Variants in TAS2R46 observed in about 807,000 individuals in gnomAD.
TAS2R46 encodes the protein taste 2 receptor member 46.
For synonymous variants in TAS2R46, 123 were observed against 121.8 expected (o/e 1.01, Z -0.07); for missense variants, 361 against 347.4 (o/e 1.04, Z -0.31).
At position 11,061,418 on chromosome 12, in the gene TAS2R46, C is replaced by A; in HGVS notation, c.877G>T (p.Val293Phe). 1 of 1,614,026 alleles carries A rather than the reference C, an allele frequency of 6.2e-7. No homozygotes were observed. The highest frequency in any genetic ancestry group is 8.5e-7 in the Non-Finnish European group (1 of 1,179,914). Reference sequence around the variant, plus strand: ...ACCCAGTACCTCACATGCCACAAAACTGAAAGAAAAGTCTGCTTTAGCTTC... The same window carrying A: ...ACCCAGTACCTCACATGCCACAAAAATGAAAGAAAAGTCTGCTTTAGCTTC... ...NKKLKQTFLS[V>F]LWHVRYWVKG... is the part of the protein sequence containing the mutation. Residue 293 changes from valine (V) to phenylalanine (F), a missense_variant, in exon 1 of 1, where the codon GTT (valine) becomes TTT (phenylalanine). Transcript: ENST00000533467.
rs776395658 is a variant in TAS2R46, at chr12:11,061,839, A to G, written c.456T>C (p.Ile152=). 3.1e-6 allele frequency: 5 copies of G among 1,614,114 alleles called. No homozygotes were observed. The highest frequency in any genetic ancestry group is 3.4e-6 in the Non-Finnish European group (4 of 1,179,930). The change falls in exon 1 of 1, where the codon ATT becomes ATC. Residue 152 remains isoleucine (I), a synonymous_variant. Coordinates refer to ENST00000533467, the MANE Select transcript of TAS2R46 (RefSeq NM_176887.2). The part of the protein sequence containing the change: ...CHLFVINMNQ[I]IWTKEYEGNM... ...TTCCTTCATATTCTTTTGTCCATAT[A>G]ATCTGATTCATGTTTATCACAAAAA...
rs1336996049 is a variant in TAS2R46, at chr12:11,061,709, G to A, written c.586C>T (p.Leu196=). The change falls in exon 1 of 1, where the codon CTG becomes TTG. Residue 196 remains leucine, a synonymous_variant. Transcript: ENST00000533467. ...TTACACAGAGAACAGATTAACAGCA[G>A]AAAAGATATCAGGGTCAGAGTGAAG... ...VPFTLTLISF[L]LLICSLCKHL... is the part of the protein sequence containing the mutation. 1 of 1,614,050 alleles carries A rather than the reference G, an allele frequency of 6.2e-7. No homozygotes were observed. The highest frequency in any genetic ancestry group is 1.3e-5 in the African/African-American group (1 of 74,924).
Position 11,061,654 on chromosome 12 carries a change from T to C in TAS2R46, c.641A>G (p.Lys214Arg), listed in dbSNP as rs1335147232. The C allele has an allele frequency of 6.2e-7, 1 of 1,614,014 alleles. No individual in the cohort carries two copies. Among genetic ancestry groups the C allele is most frequent in the East Asian group, 2.2e-5 (1 of 44,890 alleles). The change falls in exon 1 of 1, where the codon AAA (lysine) becomes AGA (arginine). Residue 214 changes from lysine to arginine, a missense_variant. Transcript: ENST00000533467. ...KHLKKMQLHG[K>R]GSQDPSMKVH... ...CTTCATGCTGGGATCTTGAGATCCT[T>C]TGCCATGGAGCTGCATCTTTTTGAG...
Position 11,061,996 on chromosome 12 carries a change from G to C in TAS2R46, c.299C>G (p.Thr100Ser). 1 of 1,613,894 alleles carries C rather than the reference G, an allele frequency of 6.2e-7. No individual in the cohort carries two copies. The highest frequency in any genetic ancestry group is 8.5e-7 in the Non-Finnish European group (1 of 1,179,866). Reference protein sequence around the residue: ...VINHFSNWLATSLSIFYLLKI... With the variant: ...VINHFSNWLASSLSIFYLLKI... The stretch of plus-strand genomic sequence containing the variant: ...GAGCAAATAAAATATGCTGAGGCTA[G>C]TAGCAAGCCAGTTGCTGAAATGGTT... The change falls in exon 1 of 1, where the codon ACT (threonine) becomes AGT (serine). Residue 100 changes from threonine to serine, a missense_variant. Physicochemically the swap from Thr to Ser is moderately conservative, Grantham distance 58. Transcript: ENST00000533467.
rs575734028 is a variant in TAS2R46 at position 11,061,788 on chromosome 12, C to A, written c.507G>T (p.Arg169Ser). 244 of 1,614,128 alleles carry A rather than the reference C, an allele frequency of 1.5e-4. No homozygotes were observed. Among genetic ancestry groups the A allele is most frequent in the Non-Finnish European group, 1.6e-4 (192 of 1,179,992 alleles). ...TTGTATTTGAAAGGTACATTGCACTCCTCAGTTTGATCTTCCAAGTCATGT... is the reference window on the plus strand; with the variant it reads ...TTGTATTTGAAAGGTACATTGCACTACTCAGTTTGATCTTCCAAGTCATGT... ...EGNMTWKIKL[R>S]SAMYLSNTTV... The change falls in exon 1 of 1, where the codon AGG becomes AGT. Residue 169 changes from arginine (R) to serine (S), a missense_variant. Physicochemically the swap from Arg to Ser is moderately radical, Grantham distance 110. Transcript: ENST00000533467.
rs987056390 is a variant in TAS2R46 at position 11,062,066 on chromosome 12, T to C, written c.229A>G (p.Ser77Gly). ...TAAGCAGTAATTCTTACTTCTATAC[T>C]GTTAAAAGCTGGATTCAACTCAGTT... Reference protein sequence around the residue: ...YATELNPAFNSIEVRITAYNV... With the variant: ...YATELNPAFNGIEVRITAYNV... Residue 77 changes from serine (S) to glycine (G), a missense_variant, in exon 1 of 1, where the codon AGT (serine) becomes GGT (glycine). Coordinates refer to ENST00000533467, the MANE Select transcript of TAS2R46 (RefSeq NM_176887.2). 6.2e-7 allele frequency: 1 copy of C among 1,613,752 alleles called. No homozygotes were observed. Among genetic ancestry groups the C allele is most frequent in the Admixed American group, 1.7e-5 (1 of 59,912 alleles).
At chr12:11,062,165 CAA>C in the TAS2R46 span, 1 of 1,613,490 alleles carries the variant, frequency 6.2e-7, no homozygotes, top group Non-Finnish European at 8.5e-7. Flanking sequence ...ATTTGGTCAG[CAA>C]AAGAGATCTT....
At position 11,061,734 on chromosome 12, in the gene TAS2R46, G is replaced by C; in HGVS notation, c.561C>G (p.Pro187=). The part of the protein sequence containing the change: ...TTVTILANLV[P]FTLTLISFLL... ...GAAAAGATATCAGGGTCAGAGTGAA[G>C]GGAACTAAGTTTGCTAGGATGGTTA... is the stretch of plus-strand genomic sequence containing the variant. The change falls in exon 1 of 1, where the codon CCC becomes CCG. Residue 187 remains proline (P), a synonymous_variant. Coordinates refer to ENST00000533467, the MANE Select transcript of TAS2R46 (RefSeq NM_176887.2). 6.2e-7 allele frequency: 1 copy of C among 1,614,144 alleles called. No homozygotes were observed. The highest frequency in any genetic ancestry group is 1.3e-5 in the African/African-American group (1 of 75,046).
chr12:11,061,556 T>A lies in TAS2R46; in HGVS notation c.739A>T (p.Met247Leu), dbSNP rs757304666. 1.2e-6 allele frequency: 2 copies of A among 1,614,124 alleles called. No individual in the cohort carries two copies. Among genetic ancestry groups the A allele is most frequent in the South Asian group, 1.1e-5 (1 of 91,082 alleles). ...LCAIYFLSII[M>L]SVWSFESLEN... Reference sequence around the variant, plus strand: ...AGACTCTCAAAACTCCAAACTGACATGATTATGGACAGAAAGTAAATGGCA... The same window carrying A: ...AGACTCTCAAAACTCCAAACTGACAAGATTATGGACAGAAAGTAAATGGCA... Residue 247 changes from methionine (M) to leucine (L), a missense_variant, in exon 1 of 1, where the codon ATG becomes TTG. Coordinates refer to ENST00000533467, the MANE Select transcript of TAS2R46 (RefSeq NM_176887.2).
chr12:11,062,236 C>G lies in TAS2R46; in HGVS notation c.59G>C (p.Gly20Ala). 1.9e-6 allele frequency: 3 copies of G among 1,613,102 alleles called. No homozygotes were observed. The highest frequency in any genetic ancestry group is 1.3e-5 in the African/African-American group (1 of 74,958). Residue 20 changes from glycine (G) to alanine (A), a missense_variant, in exon 1 of 1, where the codon GGA (glycine) becomes GCA (alanine). Coordinates refer to ENST00000533467, the MANE Select transcript of TAS2R46 (RefSeq NM_176887.2). ...TGCTATGAAGCCATTAGCAAAATTT[C>G]CAATCACAAATGTAACCACTATTAG... ...SILIVVTFVI[G>A]NFANGFIALV...
the TAS2R46 span, chr12:11,062,031 C>T: frequency 2.6e-5 from 42 of 1,613,442 alleles, no homozygotes; most frequent in Non-Finnish European, 3.2e-5. Flanking sequence ...TGATTACTGC[C>T]CAGACATTGT....
Position 11,061,396 on chromosome 12 carries a change from C to G in TAS2R46, c.899G>C (p.Trp300Ser). ...FLSVLWHVRY[W>S]VKGEKPSSS ...AGATGAAGGCTTCTCTCCTTTCACC[C>G]AGTACCTCACATGCCACAAAACTGA... Residue 300 changes from tryptophan (W) to serine (S), a missense_variant, in exon 1 of 1, where the codon TGG becomes TCG. By Grantham distance (177) the Trp-to-Ser change is radical. Transcript: ENST00000533467. 1 of 1,613,794 alleles carries G rather than the reference C, an allele frequency of 6.2e-7. No individual in the cohort carries two copies. The highest frequency in any genetic ancestry group is 8.5e-7 in the Non-Finnish European group (1 of 1,179,810).
At position 11,061,800 on chromosome 12, in the gene TAS2R46, C is replaced by T; in HGVS notation, c.495G>A (p.Lys165=). ...TKEYEGNMTW[K]IKLRSAMYLS... is the part of the protein sequence containing the mutation. ...GGTACATTGCACTCCTCAGTTTGATCTTCCAAGTCATGTTTCCTTCATATT... is the reference window on the plus strand; with the variant it reads ...GGTACATTGCACTCCTCAGTTTGATTTTCCAAGTCATGTTTCCTTCATATT... The change falls in exon 1 of 1, where the codon AAG becomes AAA. Residue 165 remains lysine, a synonymous_variant. Coordinates refer to ENST00000533467, the MANE Select transcript of TAS2R46 (RefSeq NM_176887.2). 3.1e-6 allele frequency: 5 copies of T among 1,614,144 alleles called. No individual in the cohort carries two copies. The highest frequency in any genetic ancestry group is 1.1e-5 in the South Asian group (1 of 91,080).
rs754147922 is a variant in TAS2R46 at position 11,062,013 on chromosome 12, G to A, written c.282C>T (p.Phe94=). Residue 94 remains phenylalanine (F), a synonymous_variant, in exon 1 of 1, where the codon TTC becomes TTT. Transcript: ENST00000533467. The part of the protein sequence containing the change: ...AYNVWAVINH[F]SNWLATSLSI... ...TGAGGCTAGTAGCAAGCCAGTTGCT[G>A]AAATGGTTGATTACTGCCCAGACAT... The A allele has an allele frequency of 4.2e-5, 68 of 1,613,800 alleles. No individual in the cohort carries two copies. The highest frequency in any genetic ancestry group is 4.2e-4 in the Admixed American group (25 of 59,950).
In TAS2R46 at chr12:11,062,019, G is replaced by A. The variant is rs760126959; in HGVS notation, c.276C>T (p.Asn92=). 8.1e-6 allele frequency: 13 copies of A among 1,613,642 alleles called. No homozygotes were observed. The African/African-American group carries it at 1.3e-4, about 17-fold the overall frequency. ...ITAYNVWAVI[N]HFSNWLATSL... is the part of the protein sequence containing the mutation. ...TAGTAGCAAGCCAGTTGCTGAAATG[G>A]TTGATTACTGCCCAGACATTGTAAG... is the stretch of plus-strand genomic sequence containing the variant. The change falls in exon 1 of 1, where the codon AAC becomes AAT. Residue 92 remains asparagine, a synonymous_variant. Transcript: ENST00000533467.
chr12:11,062,005 C>T, the TAS2R46 span: 1 of 1,613,774 alleles, frequency 6.2e-7, no homozygotes, highest in Non-Finnish European at 8.5e-7. Flanking sequence ...AGTAGCAAGC[C>T]AGTTGCTGAA....
rs768477423 is a variant in TAS2R46 at position 11,061,998 on chromosome 12, A to G, written c.297T>C (p.Ala99=). 9 of 1,613,824 alleles carry G rather than the reference A, an allele frequency of 5.6e-6. No homozygotes were observed. The highest frequency in any genetic ancestry group is 1.6e-4 in the Middle Eastern group (1 of 6,084). Reference sequence around the variant, plus strand: ...GCAAATAAAATATGCTGAGGCTAGTAGCAAGCCAGTTGCTGAAATGGTTGA... The same window carrying G: ...GCAAATAAAATATGCTGAGGCTAGTGGCAAGCCAGTTGCTGAAATGGTTGA... ...AVINHFSNWL[A]TSLSIFYLLK... Residue 99 remains alanine (A), a synonymous_variant, in exon 1 of 1, where the codon GCT becomes GCC. Coordinates refer to ENST00000533467, the MANE Select transcript of TAS2R46 (RefSeq NM_176887.2).
rs182534460 is a variant in TAS2R46 at position 11,062,055 on chromosome 12, T to C, written c.240A>G (p.Val80=). 1,131 of 1,613,726 alleles carry C rather than the reference T, an allele frequency of 7.0e-4. 12 individuals are homozygous for C. In the African/African-American group the frequency reaches 0.013, roughly 19 times the overall value. The stretch of plus-strand genomic sequence containing the variant: ...CCCAGACATTGTAAGCAGTAATTCT[T>C]ACTTCTATACTGTTAAAAGCTGGAT... ...ELNPAFNSIE[V]RITAYNVWAV... is the part of the protein sequence containing the mutation. Residue 80 remains valine, a synonymous_variant, in exon 1 of 1, where the codon GTA becomes GTG. Transcript: ENST00000533467.
rs750024322 is a variant in TAS2R46 at position 11,062,030 on chromosome 12, C to T, written c.265G>A (p.Ala89Thr). The stretch of plus-strand genomic sequence containing the variant: ...CAGTTGCTGAAATGGTTGATTACTG[C>T]CCAGACATTGTAAGCAGTAATTCTT... The part of the protein sequence containing the change: ...EVRITAYNVW[A>T]VINHFSNWLA... Residue 89 changes from alanine (A) to threonine (T), a missense_variant, in exon 1 of 1, where the codon GCA (alanine) becomes ACA (threonine). Coordinates refer to ENST00000533467, the MANE Select transcript of TAS2R46 (RefSeq NM_176887.2). 1.5e-5 allele frequency: 24 copies of T among 1,613,274 alleles called. No individual in the cohort carries two copies. The highest frequency in any genetic ancestry group is 1.9e-5 in the Non-Finnish European group (23 of 1,179,660).
Sources: allele counts gnomAD v4.1 joint callset, GRCh38; gene constraint gnomAD v4.1.1; transcripts MANE v1.5; gene names NCBI Gene and HGNC (gene_info 2026-07-23, HGNC 2026-07-21).